Variants in ATXN7L1 observed in about 807,000 individuals in gnomAD.
ATXN7L1 encodes the protein ataxin-7-like protein 1.
ATXN7L1 carries 15 observed loss-of-function variants against 70.8 expected under a neutral mutation model. The ratio of observed to expected loss-of-function variants is 0.21; its 90% CI spans 0.14 to 0.33. ATXN7L1 has a LOEUF of 0.33. ATXN7L1 is among the 10% of genes least tolerant of loss of function. ATXN7L1 has a pLI of 1.00. For synonymous variants in ATXN7L1, 440 were observed against 445.1 expected, an observed-to-expected ratio of 0.99 and a Z score of 0.14; for missense variants, 975 against 1,097.1, an observed-to-expected ratio of 0.89 and a Z score of 1.57.
Position 105,615,191 on chromosome 7 carries a change from A to C in ATXN7L1, c.1518-375T>G, listed in dbSNP as rs189319153. On this transcript the variant is annotated intron_variant, in intron 9 of 11. Coordinates refer to ENST00000419735, the MANE Select transcript of ATXN7L1 (RefSeq NM_020725.2). ...CAACTCTCTTTTTTTGGCAGCAATG[A>C]AGGTGGTTTTTAATGAGAAGTGATC... 4.9e-4 allele frequency among the ~76,000 whole-genome samples: 74 copies of C among 151,344 alleles called. 2 individuals are homozygous for C. The East Asian group carries it at 0.013, about 28-fold the overall frequency.
At chr7:105,679,225 A>G (rs1284876274) in intron 3 of ATXN7L1, 5 of 852,772 alleles carry the variant, frequency 5.9e-6, no homozygotes, top group Non-Finnish European at 7.1e-6. Context: ...AGGCAGAAAG[A>G]AAAGCCCGGA....
At chr7:105,651,868 C>T (rs1036109360) in intron 4 of ATXN7L1, among the ~76,000 whole-genome samples, 2 of 152,158 alleles carry the variant, frequency 1.3e-5, no homozygotes, top group Non-Finnish European at 2.9e-5. Flanking sequence ...TCTAAGATGC[C>T]TCCCAGAGAA....
chr7:105,692,406 CT>C (rs1791043274), intron 3 of ATXN7L1, among the ~76,000 whole-genome samples: 1 of 129,156 alleles, frequency 7.7e-6, no homozygotes, highest in African/African-American at 3.0e-5. Flanking sequence ...TCCTTCCTTC[CT>C]TCCTTCCTTC....
At chr7:105,873,698 C>T (rs890211816) in intron 2 of ATXN7L1, among the ~76,000 whole-genome samples, 1 of 152,156 alleles carries the variant, frequency 6.6e-6, no homozygotes, top group Non-Finnish European at 1.5e-5. Context: ...TTACACTGAA[C>T]AGTGGGTGTC....
chr7:105,739,165 T>C (rs1797733811), intron 3 of ATXN7L1, among the ~76,000 whole-genome samples: 1 of 152,222 alleles, frequency 6.6e-6, no homozygotes, highest in South Asian at 2.1e-4. Context: ...CCTTAAGGCC[T>C]TGCTACAGAA....
chr7:105,670,338 T>G (rs1044381350), intron 3 of ATXN7L1, among the ~76,000 whole-genome samples: 2 of 152,234 alleles, frequency 1.3e-5, no homozygotes, highest in African/African-American at 4.8e-5. Context: ...TAGATCCCTA[T>G]AGTTATTCTA....
intron 3 of ATXN7L1, among the ~76,000 whole-genome samples, chr7:105,671,889 CAAAAAA>C (rs55748938): frequency 1.8e-5 from 1 of 56,416 alleles, no homozygotes; most frequent in East Asian, 6.2e-4. Context: ...GACCCTGTCT[CAAAAAA>C]AAAAAAAAAA....
At chr7:105,780,499 A>T (rs1008654909) in intron 3 of ATXN7L1, among the ~76,000 whole-genome samples, 2 of 152,328 alleles carry the variant, frequency 1.3e-5, no homozygotes, top group South Asian at 4.1e-4. Context: ...GAGGAAAAAA[A>T]ATCTAATCCT....
intron 2 of ATXN7L1, among the ~76,000 whole-genome samples, chr7:105,795,000 G>A (rs896835554): frequency 7.2e-5 from 11 of 152,132 alleles, no homozygotes; most frequent in African/African-American, 1.7e-4. Flanking sequence ...TCACATTCAC[G>A]TTATCAGCTT....
intron 3 of ATXN7L1, among the ~76,000 whole-genome samples, chr7:105,751,122 G>T (rs1162119690): frequency 6.6e-6 from 1 of 152,170 alleles, no homozygotes; most frequent in Non-Finnish European, 1.5e-5. Flanking sequence ...GCCAGGAAGG[G>T]TGTCTAAGGA....
At chr7:105,787,421 C>A (rs980981565) in intron 3 of ATXN7L1, among the ~76,000 whole-genome samples, 7 of 152,088 alleles carry the variant, frequency 4.6e-5, no homozygotes, top group Non-Finnish European at 1.0e-4. Context: ...GGACTCACTC[C>A]CAGAGGTGCT....
chr7:105,614,605 G>C lies in ATXN7L1; in HGVS notation c.1729C>G (p.Leu577Val). Residue 577 changes from leucine (L) to valine (V), a missense_variant, in exon 10 of 12, where the codon CTC (leucine) becomes GTC (valine). Around this residue, in one of 5 missense-constraint regions of ATXN7L1, gnomAD observed 635 missense variants for 699.4 expected, o/e 0.91. Transcript: ENST00000419735. The surrounding 1 kb of genome is among the most constrained non-coding windows in gnomAD (Gnocchi z 4.3). ...AFVTSPDPSA[L>V]MSHTTAFPHV... ...GGGAAAGCTGTGGTGTGGGACATGA[G>C]GGCGCTCGGGTCCGGCGATGTCACG... The C allele has an allele frequency of 6.4e-7, 1 of 1,551,854 alleles. No homozygotes were observed.
intron 2 of ATXN7L1, among the ~76,000 whole-genome samples, chr7:105,850,168 T>C (rs1814665900): frequency 6.6e-6 from 1 of 152,244 alleles, no homozygotes; most frequent in African/African-American, 2.4e-5. Context: ...TACTTTCCTG[T>C]AGAATTAGAG....
rs189449554 is a variant in ATXN7L1 at position 105,873,954 on chromosome 7, G to A, written c.250+1858C>T. 1.7e-3 allele frequency among the ~76,000 whole-genome samples: 256 copies of A among 151,978 alleles called. 1 individual carries two copies. Among genetic ancestry groups the A allele is most frequent in the African/African-American group, 5.8e-3 (241 of 41,416 alleles). On this transcript the variant is annotated intron_variant, in intron 2 of 11. Coordinates refer to ENST00000419735, the MANE Select transcript of ATXN7L1 (RefSeq NM_020725.2). Reference sequence around the variant, plus strand: ...ATCCTGGCCAACATGGTGAAACCCCGTCTCTACTAAAAATACAAAAATTAA... The same window carrying A: ...ATCCTGGCCAACATGGTGAAACCCCATCTCTACTAAAAATACAAAAATTAA...
intron 2 of ATXN7L1, among the ~76,000 whole-genome samples, chr7:105,834,702 G>GTACT (rs1812106906): frequency 3.3e-5 from 5 of 152,104 alleles, no homozygotes; most frequent in Admixed American, 3.3e-4. Context: ...CTCCCTCACT[G>GTACT]GGCTGAGCGT....
chr7:105,805,628 T>C (rs1258096132), intron 2 of ATXN7L1, among the ~76,000 whole-genome samples: 1 of 152,092 alleles, frequency 6.6e-6, no homozygotes, highest in Non-Finnish European at 1.5e-5. Flanking sequence ...TGGCAAGTGA[T>C]AAATAGGACG....
intron 2 of ATXN7L1, among the ~76,000 whole-genome samples, chr7:105,814,348 A>G (rs1808875763): frequency 6.6e-6 from 1 of 152,128 alleles, no homozygotes; most frequent in East Asian, 1.9e-4. Flanking sequence ...CTTTGGTGGC[A>G]ATGATGATGG....
chr7:105,852,433 T>C (rs1815017773), intron 2 of ATXN7L1, among the ~76,000 whole-genome samples: 1 of 152,172 alleles, frequency 6.6e-6, no homozygotes, highest in South Asian at 2.1e-4. Flanking sequence ...TGTGTGATCC[T>C]GGCCTCTCAG....
intron 7 of ATXN7L1, among the ~76,000 whole-genome samples, chr7:105,625,777 G>A (rs1795616925): frequency 6.6e-6 from 1 of 152,116 alleles, no homozygotes. Context: ...ACAACACAAG[G>A]CAAAACCAAA....
Sources: gnomAD v4.1 joint callset for allele counts (sites outside exome capture counted in the v4.1 genomes callset) on GRCh38, gnomAD v4.1.1 for gene constraint, gnomAD v4.1.1 regional missense constraint, Gnocchi (gnomAD v3.1) non-coding constraint, MANE v1.5 for transcripts, NCBI Gene and HGNC (gene_info 2026-07-23, HGNC 2026-07-21) for gene names.